Variants in ATRNL1 observed in about 807,000 individuals in gnomAD.
ATRNL1 encodes the protein attractin like 1.
In ATRNL1, 95 loss-of-function variants were observed where a neutral mutation model predicts 182.7. The observed-to-expected ratio is 0.52, with a 90% CI of 0.44 to 0.62. The LOEUF is 0.62. ATRNL1 is among the 20% of genes least tolerant of loss of function. ATRNL1 has a pLI of 0.00. For synonymous variants in ATRNL1, 576 were observed against 568.3 expected (o/e 1.01, Z -0.19); for missense variants, 1,471 against 1,679.5 (o/e 0.88, Z 2.17).
At chr10:115,808,617 G>C (rs982392624) in intron 27 of ATRNL1, among the ~76,000 whole-genome samples, 1 of 152,116 alleles carries the variant, frequency 6.6e-6, no homozygotes, top group Non-Finnish European at 1.5e-5. Flanking sequence ...TGTTCTCAAA[G>C]GGGCGGCACC....
chr10:115,137,188 A>G (rs575853976), intron 5 of ATRNL1, among the ~76,000 whole-genome samples: 1 of 152,288 alleles, frequency 6.6e-6, no homozygotes, highest in South Asian at 2.1e-4. Context: ...ATGAAAATCC[A>G]TCTCAAAAAA....
intron 7 of ATRNL1, among the ~76,000 whole-genome samples, chr10:115,167,700 T>C (rs1310667998): frequency 6.6e-6 from 1 of 152,094 alleles, no homozygotes; most frequent in African/African-American, 2.4e-5. Flanking sequence ...ATTTGTGTGT[T>C]TTAAAAGTAA....
At chr10:115,742,301 G>A (rs1555067879) in intron 27 of ATRNL1, among the ~76,000 whole-genome samples, 4 of 152,114 alleles carry the variant, frequency 2.6e-5, no homozygotes, top group Non-Finnish European at 1.5e-5. Context: ...GGAGGTGAAA[G>A]CAGAGAAAGG....
intron 5 of ATRNL1, among the ~76,000 whole-genome samples, chr10:115,131,638 A>G (rs1845241798): frequency 6.6e-6 from 1 of 152,210 alleles, no homozygotes; most frequent in Non-Finnish European, 1.5e-5. Context: ...GGAATGATCA[A>G]AGAATGAGAG....
chr10:115,102,363 A>G (rs941965392), intron 1 of ATRNL1, among the ~76,000 whole-genome samples: 1 of 152,088 alleles, frequency 6.6e-6, no homozygotes, highest in South Asian at 2.1e-4. Context: ...CCATTGATCC[A>G]TATCTCTATC....
At chr10:115,763,568 T>C (rs1333903858) in intron 27 of ATRNL1, among the ~76,000 whole-genome samples, 1 of 152,074 alleles carries the variant, frequency 6.6e-6, no homozygotes, top group Non-Finnish European at 1.5e-5. Flanking sequence ...AGGAAAATGA[T>C]GAGAGGCAAG....
At chr10:115,528,866 T>C (rs782534506) in intron 25 of ATRNL1, among the ~76,000 whole-genome samples, 3 of 152,178 alleles carry the variant, frequency 2.0e-5, no homozygotes, top group Non-Finnish European at 4.4e-5. Context: ...ATTGTGATTT[T>C]GTCTTTCAAC....
intron 28 of ATRNL1, among the ~76,000 whole-genome samples, chr10:115,910,204 G>A (rs2134519591): frequency 6.6e-6 from 1 of 152,282 alleles, no homozygotes; most frequent in Admixed American, 6.5e-5. Flanking sequence ...AGACCCACAG[G>A]AGTGAAAGCC....
intron 27 of ATRNL1, among the ~76,000 whole-genome samples, chr10:115,740,145 T>A (rs1378824278): frequency 6.6e-6 from 1 of 152,210 alleles, no homozygotes; most frequent in African/African-American, 2.4e-5. Context: ...CATATTTTAC[T>A]TCCTTAGAAA....
At chr10:115,222,725 G>C (rs1210943148) in intron 9 of ATRNL1, among the ~76,000 whole-genome samples, 3 of 152,020 alleles carry the variant, frequency 2.0e-5, no homozygotes, top group African/African-American at 7.2e-5. Flanking sequence ...AGCAAAATAA[G>C]AGCATTTTTA....
intron 13 of ATRNL1, among the ~76,000 whole-genome samples, chr10:115,272,019 A>T (rs114663677): frequency 6.6e-6 from 1 of 151,644 alleles, no homozygotes; most frequent in African/African-American, 2.4e-5. Context: ...GTATGTGGCA[A>T]CTCCACCTCC....
chr10:115,298,492 TATAGATAGTTCAGGG>T (rs1186460226), intron 15 of ATRNL1, among the ~76,000 whole-genome samples: 5 of 152,164 alleles, frequency 3.3e-5, no homozygotes, highest in Admixed American at 2.0e-4. Context: ...TTGTCTTGAC[TATAGATAGTTCAGGG>T]ATATAGGCAG....
intron 24 of ATRNL1, among the ~76,000 whole-genome samples, chr10:115,469,621 G>T (rs1848212762): frequency 6.7e-6 from 1 of 150,312 alleles, no homozygotes; most frequent in Non-Finnish European, 1.5e-5. Flanking sequence ...TTTAACTGAG[G>T]GTTAAATAAA....
intron 20 of ATRNL1, among the ~76,000 whole-genome samples, chr10:115,421,186 C>T (rs1845635234): frequency 6.6e-6 from 1 of 152,164 alleles, no homozygotes; most frequent in Non-Finnish European, 1.5e-5. Context: ...TTCTTCCAAA[C>T]TCATTCTATG....
chr10:115,904,920 C>G (rs577117437), intron 28 of ATRNL1, among the ~76,000 whole-genome samples: 1 of 152,272 alleles, frequency 6.6e-6, no homozygotes, highest in Admixed American at 6.5e-5. Context: ...GTGCCAGGTA[C>G]TGGGGTTATT....
intron 15 of ATRNL1, among the ~76,000 whole-genome samples, chr10:115,287,384 A>G (rs556637680): frequency 5.3e-5 from 8 of 152,000 alleles, no homozygotes; most frequent in Middle Eastern, 3.4e-3. Flanking sequence ...AAGGGATACT[A>G]TTTTTTTGTC....
At chr10:115,665,245 T>C (rs1860933884) in intron 26 of ATRNL1, among the ~76,000 whole-genome samples, 1 of 152,100 alleles carries the variant, frequency 6.6e-6, no homozygotes, top group Admixed American at 6.6e-5. Context: ...TAGAAATATA[T>C]AACAGAGTCA....
chr10:115,766,905 A>G (rs1478498412), intron 27 of ATRNL1, among the ~76,000 whole-genome samples: 1 of 152,158 alleles, frequency 6.6e-6, no homozygotes, highest in Non-Finnish European at 1.5e-5. Context: ...TAGTTGTGTT[A>G]CCTTGGGGAA....
intron 27 of ATRNL1, among the ~76,000 whole-genome samples, chr10:115,781,279 G>A (rs1233312824): frequency 1.3e-5 from 2 of 152,068 alleles, no homozygotes; most frequent in African/African-American, 4.8e-5. Context: ...ACAACCATTT[G>A]GAAAAACAAT....
Sources: allele counts gnomAD v4.1 joint callset (sites outside exome capture counted in the v4.1 genomes callset), GRCh38; gene constraint gnomAD v4.1.1; transcripts MANE v1.5; gene names NCBI Gene and HGNC (gene_info 2026-07-23, HGNC 2026-07-21).